RABGAP1: variants seen among roughly 807,000 people sequenced by gnomAD.
RABGAP1 encodes RAB GTPase activating protein 1.
In RABGAP1, 23 loss-of-function variants were observed where a neutral mutation model predicts 137.6. The observed-to-expected ratio is 0.17, with a 90% CI of 0.12 to 0.24. The LOEUF (loss-of-function observed/expected upper bound fraction) is 0.24. Among genes scored for constraint, RABGAP1 ranks in the 10% least tolerant of loss-of-function variants. The pLI, the probability that RABGAP1 is intolerant of heterozygous loss-of-function variation, is 1.00. For synonymous variants in RABGAP1, 451 were observed against 450.7 expected (o/e 1.00, Z -0.01); for missense variants, 906 against 1,275.8 (o/e 0.71, Z 4.42).
chr9:122,960,274 A>G (rs1564360886), intron 2 of RABGAP1, among the ~76,000 whole-genome samples: 1 of 152,216 alleles, frequency 6.6e-6, no homozygotes, highest in Non-Finnish European at 1.5e-5. Flanking sequence ...ATTGACTTAG[A>G]CTATGGAACA....
chr9:122,950,931 G>T (rs1463651249), intron 1 of RABGAP1, among the ~76,000 whole-genome samples: 1 of 152,124 alleles, frequency 6.6e-6, no homozygotes, highest in African/African-American at 2.4e-5. Context: ...GGATGCAAAA[G>T]GATAAGAGTT....
chr9:123,016,115 T>C (rs941019507), intron 12 of RABGAP1, among the ~76,000 whole-genome samples: 2 of 152,216 alleles, frequency 1.3e-5, no homozygotes, highest in African/African-American at 4.8e-5. Flanking sequence ...ATAAAATTCC[T>C]ACTAACACTT....
chr9:123,098,696 T>C lies in RABGAP1; in HGVS notation c.2734-19T>C. On this transcript the variant is annotated intron_variant, in intron 22 of 25. Transcript: ENST00000373647. ...ATTTTTCTGTTAACATAGTCCCTTT[T>C]GTTTTTTTATGTGTGCAGTTAAAAG... 2 of 1,606,502 alleles carry C rather than the reference T, an allele frequency of 1.2e-6. No homozygotes were observed. Among genetic ancestry groups the C allele is most frequent in the Non-Finnish European group, 1.7e-6 (2 of 1,175,666 alleles).
At chr9:123,058,528 A>G (rs1399411297) in intron 13 of RABGAP1, among the ~76,000 whole-genome samples, 1 of 130,328 alleles carries the variant, frequency 7.7e-6, no homozygotes, top group Non-Finnish European at 1.7e-5. Context: ...TATTATACTA[A>G]GAAAGCCAAA....
chr9:122,957,648 T>C (rs530119092), intron 2 of RABGAP1, among the ~76,000 whole-genome samples: 1 of 152,264 alleles, frequency 6.6e-6, no homozygotes, highest in South Asian at 2.1e-4. Context: ...CTATTACTTA[T>C]TTTCCAATGC....
chr9:123,093,138 T>C, intron 21 of RABGAP1, among the ~76,000 whole-genome samples: 1 of 152,222 alleles, frequency 6.6e-6, no homozygotes, highest in Non-Finnish European at 1.5e-5. Context: ...TCCTTTGAGC[T>C]CTTTCCTTCC....
In RABGAP1 at chr9:122,986,473, T is replaced by A. The variant is rs1836376055; in HGVS notation, c.590+54T>A. The A allele has an allele frequency of 1.1e-5, 17 of 1,549,112 alleles. No homozygotes were observed. In the South Asian group the frequency reaches 1.9e-4, roughly 18 times the overall value. On this transcript the variant is annotated intron_variant, in intron 4 of 25. Coordinates refer to ENST00000373647, the MANE Select transcript of RABGAP1 (RefSeq NM_012197.4). ...TATTTACATCAGATCTCTGACCTGT[T>A]GCTTCAGAAAGAAGCAATAGTGAAT...
chr9:122,987,273 C>G (rs1341431539), intron 4 of RABGAP1, among the ~76,000 whole-genome samples: 1 of 152,152 alleles, frequency 6.6e-6, no homozygotes, highest in Non-Finnish European at 1.5e-5. Context: ...TACTGTTGCT[C>G]AATAAGTCAG....
chr9:122,999,933 A>C (rs555798569), intron 10 of RABGAP1, among the ~76,000 whole-genome samples: 248 of 152,022 alleles, frequency 1.6e-3, no homozygotes, highest in African/African-American at 5.2e-3. Context: ...ATTTTTATCA[A>C]CTTTTAATCT....
chr9:123,013,745 T>C (rs1348857549), intron 11 of RABGAP1, among the ~76,000 whole-genome samples: 1 of 152,228 alleles, frequency 6.6e-6, no homozygotes, highest in Non-Finnish European at 1.5e-5. Context: ...CATTATAATA[T>C]AAAAACGTTC....
At chr9:122,990,313 G>A in intron 6 of RABGAP1, 100 bp downstream of exon 6, 1 of 1,072,926 alleles carries the variant, frequency 9.3e-7, no homozygotes, top group Non-Finnish European at 1.3e-6. Context: ...GGCTTTTAAA[G>A]GGAGGGCTTT....
chr9:123,006,154 A>G (rs1397547652), intron 10 of RABGAP1, among the ~76,000 whole-genome samples: 2 of 152,156 alleles, frequency 1.3e-5, no homozygotes, highest in East Asian at 3.8e-4. Flanking sequence ...AGCTTACATC[A>G]TGGTGATTCT....
At chr9:122,963,907 A>G (rs184610519) in intron 2 of RABGAP1, among the ~76,000 whole-genome samples, 133 of 152,364 alleles carry the variant, frequency 8.7e-4, no homozygotes, top group African/African-American at 2.8e-3. Flanking sequence ...GGAATCATAA[A>G]TGAAAGGGAA....
the RABGAP1 span, among the ~76,000 whole-genome samples, chr9:122,935,253 A>G: frequency 6.6e-6 from 1 of 152,248 alleles, no homozygotes; most frequent in Non-Finnish European, 1.5e-5. Context: ...CTTCAATATC[A>G]TACAAAAACT....
chr9:123,089,037 T>C (rs993402684), intron 19 of RABGAP1, among the ~76,000 whole-genome samples: 4 of 151,730 alleles, frequency 2.6e-5, no homozygotes, highest in Non-Finnish European at 4.4e-5. Flanking sequence ...GGTGAAGATA[T>C]AGGCCTGTGG....
intron 21 of RABGAP1, among the ~76,000 whole-genome samples, chr9:123,090,624 C>T (rs1291672856): frequency 6.6e-6 from 1 of 152,200 alleles, no homozygotes; most frequent in East Asian, 1.9e-4. Flanking sequence ...GCTTCTTTCC[C>T]AAACATCATT....
At chr9:123,053,709 T>C (rs942956532) in intron 13 of RABGAP1, among the ~76,000 whole-genome samples, 5 of 152,226 alleles carry the variant, frequency 3.3e-5, no homozygotes, top group Non-Finnish European at 7.3e-5. Flanking sequence ...AAAGCATCTG[T>C]AACATTCTGG....
intron 2 of RABGAP1, among the ~76,000 whole-genome samples, chr9:122,982,190 A>G (rs1836104204): frequency 6.6e-6 from 1 of 152,188 alleles, no homozygotes; most frequent in Non-Finnish European, 1.5e-5. Flanking sequence ...TTAGGTTACT[A>G]TTTTTAAACC....
rs201939615 is a variant in RABGAP1, at chr9:122,996,627, A to T, written c.1101+22A>T. On this transcript the variant is annotated intron_variant, in intron 8 of 25. Coordinates refer to ENST00000373647, the MANE Select transcript of RABGAP1 (RefSeq NM_012197.4). ...TTTGGTAAGAATTTATTTTTATTAGAAAGTTACATACTATTTCCTCAGTAA... is the reference window on the plus strand; with the variant it reads ...TTTGGTAAGAATTTATTTTTATTAGTAAGTTACATACTATTTCCTCAGTAA... 7.8e-6 allele frequency: 12 copies of T among 1,542,176 alleles called. No homozygotes were observed. In the Admixed American group the frequency reaches 1.9e-4, roughly 25 times the overall value.
Sources: gnomAD v4.1 joint callset for allele counts (sites outside exome capture counted in the v4.1 genomes callset) on GRCh38, gnomAD v4.1.1 for gene constraint, MANE v1.5 for transcripts, NCBI Gene and HGNC (gene_info 2026-07-23, HGNC 2026-07-21) for gene names.